The following KCTD1 variants were observed in gnomAD, a reference collection of about 807,000 sequenced individuals.
KCTD1 encodes potassium channel tetramerization domain containing 1.
In KCTD1, 24 loss-of-function variants were observed where a neutral mutation model predicts 66.0. The observed-to-expected ratio is 0.36, with a 90% confidence interval of 0.26 to 0.51. KCTD1 has a LOEUF of 0.51. KCTD1 is among the 20% of genes least tolerant of loss of function. The probability of loss-of-function intolerance (pLI) is 0.95; values close to 1 mark genes in which losing one functional copy is unlikely to be tolerated. For missense variants in KCTD1, 943 were observed against 1,205.2 expected, an observed-to-expected ratio of 0.78 and a Z score of 3.22; for synonymous variants, 511 against 517.2, an observed-to-expected ratio of 0.99 and a Z score of 0.16.
At chr18:26,591,571 C>A (rs1156576451) in intron 1 of KCTD1, 2 of 152,200 alleles carry the variant, frequency 1.3e-5, no homozygotes, top group African/African-American at 4.8e-5. Flanking sequence ...AAGGCCTTCA[C>A]CATGGCCACC....
intron 2 of KCTD1, among the ~76,000 whole-genome samples, chr18:26,489,763 G>A (rs1487135976): frequency 1.3e-5 from 2 of 152,144 alleles, no homozygotes; most frequent in Non-Finnish European, 2.9e-5. Context: ...TGTGAGATTC[G>A]TGGGCTGGGC....
chr18:26,555,362 T>A (rs574565630), intron 1 of KCTD1, among the ~76,000 whole-genome samples: 8 of 152,306 alleles, frequency 5.3e-5, no homozygotes, highest in Non-Finnish European at 1.0e-4. Flanking sequence ...GAGGCGAAGG[T>A]TGCAATGAGC....
At chr18:26,516,928 T>C (rs1983680900) in intron 1 of KCTD1, among the ~76,000 whole-genome samples, 1 of 152,214 alleles carries the variant, frequency 6.6e-6, no homozygotes, top group Non-Finnish European at 1.5e-5. Context: ...TTTCATGTTG[T>C]TAATAGGCAC....
chr18:26,462,222 A>G (rs1041209150), intron 3 of KCTD1, among the ~76,000 whole-genome samples: 3 of 152,216 alleles, frequency 2.0e-5, no homozygotes, highest in African/African-American at 7.2e-5. Context: ...GTCGAGAAAC[A>G]CTGGCCCTTT....
At chr18:26,532,035 G>A (rs1230271780) in intron 1 of KCTD1, among the ~76,000 whole-genome samples, 1 of 152,098 alleles carries the variant, frequency 6.6e-6, no homozygotes, top group Non-Finnish European at 1.5e-5. Context: ...AGGAAAGTGT[G>A]TATCCCAGAG....
intron 2 of KCTD1, among the ~76,000 whole-genome samples, chr18:26,497,596 T>C (rs1330935489): frequency 6.6e-6 from 1 of 152,186 alleles, no homozygotes; most frequent in Non-Finnish European, 1.5e-5. Flanking sequence ...TCCCATTAAA[T>C]TGGATGTTGC....
intron 1 of KCTD1, among the ~76,000 whole-genome samples, chr18:26,624,412 C>T (rs1267011979): frequency 6.6e-6 from 1 of 152,232 alleles, no homozygotes; most frequent in Non-Finnish European, 1.5e-5. Flanking sequence ...ACCCCTTGCT[C>T]TGTGCAGCCT....
At chr18:26,612,582 G>A (rs1240004378) in intron 1 of KCTD1, among the ~76,000 whole-genome samples, 1 of 152,158 alleles carries the variant, frequency 6.6e-6, no homozygotes, top group African/African-American at 2.4e-5. Flanking sequence ...GCACCCAGAA[G>A]CTAGGAAAGA....
At chr18:26,595,188 A>G (rs925586678) in intron 1 of KCTD1, among the ~76,000 whole-genome samples, 7 of 152,192 alleles carry the variant, frequency 4.6e-5, no homozygotes, top group Admixed American at 1.3e-4. Context: ...GGCCTGGCAC[A>G]AGGGGCTTCC....
rs532011037 is a variant in KCTD1, at chr18:26,561,916, C to A, written c.-15-60666G>T. On this transcript the variant is annotated intron_variant, in intron 1 of 4. Coordinates refer to the KCTD1 transcript ENST00000317932. The stretch of plus-strand genomic sequence containing the variant: ...GCCTGGGGCTGCTCTGTATCCAGAC[C>A]CACCGTCTAGTCTGGCCTCCAAGGA... Among the ~76,000 whole-genome samples the A allele has an allele frequency of 4.6e-5, 7 of 152,284 alleles. No homozygotes were observed. The East Asian group carries it at 1.4e-3, about 29-fold the overall frequency.
intron 1 of KCTD1, among the ~76,000 whole-genome samples, chr18:26,584,498 T>TGCTAA (rs2144930071): frequency 6.6e-6 from 1 of 152,336 alleles, no homozygotes; most frequent in South Asian, 2.1e-4. Flanking sequence ...TTTTTGTTAG[T>TGCTAA]GCTAAGTTAG....
chr18:26,516,538 G>C (rs572380181), intron 1 of KCTD1, among the ~76,000 whole-genome samples: 1 of 152,322 alleles, frequency 6.6e-6, no homozygotes, highest in Admixed American at 6.5e-5. Flanking sequence ...CCTTGGCCCT[G>C]ATGGAATGTT....
chr18:26,552,973 G>A (rs995902813), upstream of KCTD1, among the ~76,000 whole-genome samples: 2 of 150,102 alleles, frequency 1.3e-5, no homozygotes, highest in Middle Eastern at 3.4e-3. Flanking sequence ...GGTTTTAGAG[G>A]TTTCTTTTTC....
rs11876626 is a variant in KCTD1 at position 26,654,767 on chromosome 18, A to C, written c.9+2593T>G. ...CCAATGAAGTTTTCTCCGTGATGCA[A>C]AGTTTTAAAGTTTCATGGTCACCTT... On this transcript the variant is annotated intron_variant, in intron 1 of 4. Transcript: ENST00000580191. Among the ~76,000 whole-genome samples, 687 of 152,322 alleles carry C rather than the reference A, an allele frequency of 4.5e-3. 3 individuals are homozygous for C. The highest frequency in any genetic ancestry group is 0.015 in the African/African-American group (629 of 41,560).
chr18:26,528,946 A>G (rs1984304248), intron 1 of KCTD1, among the ~76,000 whole-genome samples: 1 of 152,182 alleles, frequency 6.6e-6, no homozygotes, highest in African/African-American at 2.4e-5. Context: ...TAAGCAAAAC[A>G]ATCTGCCCCA....
At chr18:26,643,581 G>A (rs1987871484), upstream of KCTD1, among the ~76,000 whole-genome samples, 1 of 152,234 alleles carries the variant, frequency 6.6e-6, no homozygotes, top group African/African-American at 2.4e-5. Flanking sequence ...GTGGGAATGA[G>A]TTTGGAATTT....
intron 1 of KCTD1, among the ~76,000 whole-genome samples, chr18:26,623,801 G>A (rs1434180520): frequency 6.6e-6 from 1 of 152,204 alleles, no homozygotes; most frequent in African/African-American, 2.4e-5. Context: ...GGAAGAGTTT[G>A]GAGGGCTCAG....
chr18:26,514,549 C>CAAAAAAAAAAAAAAAAA (rs200444964), intron 1 of KCTD1, among the ~76,000 whole-genome samples: 1 of 121,826 alleles, frequency 8.2e-6, no homozygotes. Flanking sequence ...GACCTTGTCT[C>CAAAAAAAAAAAAAAAAA]AAAAAAAAAA....
At chr18:26,630,700 G>T (rs532647340), upstream of KCTD1, among the ~76,000 whole-genome samples, 34 of 152,336 alleles carry the variant, frequency 2.2e-4, no homozygotes, top group African/African-American at 7.9e-4. Flanking sequence ...GCTGCACACT[G>T]TGCTATGAAG....
Sources: allele counts gnomAD v4.1 joint callset (sites outside exome capture counted in the v4.1 genomes callset), GRCh38; gene constraint gnomAD v4.1.1; transcripts MANE v1.5; gene names NCBI Gene and HGNC (gene_info 2026-07-23, HGNC 2026-07-21).